The following GC variants were observed in gnomAD, a reference collection of about 807,000 sequenced individuals.
The protein encoded by GC is GC vitamin D binding protein, also known as vitamin D-binding protein.
GC carries 43 observed loss-of-function variants against 56.7 expected under a neutral mutation model. The observed-to-expected ratio is 0.76, with a 90% CI of 0.59 to 0.98. GC has a LOEUF of 0.98. Ranked by LOEUF, GC falls within the 50% of genes least tolerant of loss-of-function variation. The probability of loss-of-function intolerance (pLI) is 0.00; values close to 1 mark genes in which losing one functional copy is unlikely to be tolerated. For missense variants in GC, 529 were observed against 545.9 expected (o/e 0.97, Z 0.31); for synonymous variants, 216 against 202.7 (o/e 1.07, Z -0.56).
At chr4:71,783,014 A>C (rs1742732365) in intron 1 of GC, among the ~76,000 whole-genome samples, 1 of 151,824 alleles carries the variant, frequency 6.6e-6, no homozygotes, top group Non-Finnish European at 1.5e-5. Flanking sequence ...GGAAAAGTAA[A>C]TGTAAGAAGA....
chr4:71,792,491 A>C (rs535009817), intron 1 of GC, among the ~76,000 whole-genome samples: 3 of 152,170 alleles, frequency 2.0e-5, no homozygotes, highest in South Asian at 4.2e-4. Context: ...TCCTTTGCCC[A>C]CTTTTTGATG....
At chr4:71,753,821 C>T (rs1741631775) in intron 10 of GC, among the ~76,000 whole-genome samples, 2 of 152,180 alleles carry the variant, frequency 1.3e-5, no homozygotes, top group Non-Finnish European at 2.9e-5. Flanking sequence ...AGTTAGATAA[C>T]ATTTTTAGCA....
chr4:71,800,750 C>T (rs1282902134), intron 1 of GC, among the ~76,000 whole-genome samples: 1 of 152,122 alleles, frequency 6.6e-6, no homozygotes, highest in Non-Finnish European at 1.5e-5. Flanking sequence ...TCTGTTGTTT[C>T]TTGAATTTTT....
At chr4:71,751,436 TGTG>T (rs1741551830) in intron 11 of GC, among the ~76,000 whole-genome samples, 1 of 152,180 alleles carries the variant, frequency 6.6e-6, no homozygotes, top group Non-Finnish European at 1.5e-5. Flanking sequence ...AGGCCTCAGA[TGTG>T]GTGATTAGAT....
chr4:71,801,768 G>A (rs552324973), intron 1 of GC, among the ~76,000 whole-genome samples: 2 of 151,498 alleles, frequency 1.3e-5, no homozygotes, highest in Non-Finnish European at 1.5e-5. Flanking sequence ...AATTTAACTA[G>A]CATATTTTAT....
intron 6 of GC, among the ~76,000 whole-genome samples, chr4:71,763,035 A>T (rs916866248): frequency 6.6e-6 from 1 of 152,214 alleles, no homozygotes; most frequent in Non-Finnish European, 1.5e-5. Context: ...TTCCAAGAAA[A>T]ATTGGGCAAG....
chr4:71,787,317 C>T (rs750404432), upstream of GC, among the ~76,000 whole-genome samples: 15 of 151,854 alleles, frequency 9.9e-5, no homozygotes, highest in African/African-American at 1.7e-4. Flanking sequence ...AAATTAGGTA[C>T]GGTTGAACTA....
intron 1 of GC, among the ~76,000 whole-genome samples, chr4:71,803,060 A>G (rs1215242346): frequency 2.0e-5 from 3 of 152,206 alleles, no homozygotes; most frequent in African/African-American, 7.2e-5. Context: ...TGGTGAACTT[A>G]CAGTCTGATA....
upstream of GC, among the ~76,000 whole-genome samples, chr4:71,804,990 G>A (rs551257644): frequency 1.3e-5 from 2 of 152,082 alleles, no homozygotes; most frequent in Non-Finnish European, 2.9e-5. Context: ...CTTCTGAGTC[G>A]AGTGGGGCCA....
chr4:71,787,157 C>A (rs569023060), upstream of GC, among the ~76,000 whole-genome samples: 55 of 151,990 alleles, frequency 3.6e-4, no homozygotes, highest in African/African-American at 1.1e-3. Context: ...TCATTCTCCC[C>A]TCTGTTACTG....
chr4:71,773,438 T>TG (rs1742404285), intron 1 of GC, among the ~76,000 whole-genome samples: 1 of 152,088 alleles, frequency 6.6e-6, no homozygotes, highest in Non-Finnish European at 1.5e-5. Context: ...CATTCATACA[T>TG]GTAACAGATA....
chr4:71,783,878 C>A, intron 1 of GC, 83 bp downstream of exon 1: 1 of 1,059,872 alleles, frequency 9.4e-7, no homozygotes, highest in Non-Finnish European at 1.3e-6. Context: ...CTGTTTCTTA[C>A]TTTTTATTTC....
intron 7 of GC, 109 bp downstream of exon 7, chr4:71,757,933 A>G (rs543134250): frequency 1.3e-6 from 1 of 774,446 alleles, no homozygotes; most frequent in African/African-American, 1.7e-5. Context: ...ACATGTAAGC[A>G]TCCGTTAGGA....
At chr4:71,780,835 C>G (rs1742653182) in intron 1 of GC, among the ~76,000 whole-genome samples, 1 of 152,084 alleles carries the variant, frequency 6.6e-6, no homozygotes, top group African/African-American at 2.4e-5. Context: ...GACTATTCCT[C>G]AAGGATCTAG....
At chr4:71,742,382 C>G (rs1209324653) in intron 12 of GC, among the ~76,000 whole-genome samples, 1 of 152,124 alleles carries the variant, frequency 6.6e-6, no homozygotes, top group African/African-American at 2.4e-5. Context: ...ATAGTTATGT[C>G]ACAGTTCTAT....
chr4:71,781,675 T>A (rs1414398267), intron 1 of GC, among the ~76,000 whole-genome samples: 1 of 151,840 alleles, frequency 6.6e-6, no homozygotes, highest in East Asian at 1.9e-4. Context: ...ATTTCAGTCC[T>A]AGGGGAAGAA....
At chr4:71,755,940 CTATT>C (rs1438467226) in intron 8 of GC, among the ~76,000 whole-genome samples, 1 of 152,230 alleles carries the variant, frequency 6.6e-6, no homozygotes, top group Non-Finnish European at 1.5e-5. Flanking sequence ...CTGCTTCAAA[CTATT>C]TGTGAAATAT....
intron 8 of GC, among the ~76,000 whole-genome samples, 190 bp downstream of exon 8, chr4:71,756,522 A>G (rs558200292): frequency 6.6e-6 from 1 of 152,338 alleles, no homozygotes; most frequent in Non-Finnish European, 1.5e-5. Context: ...ACACTCGATT[A>G]TGGTGTTTTA....
At chr4:71,783,255 A>C (rs1039828048) in intron 1 of GC, among the ~76,000 whole-genome samples, 1 of 151,768 alleles carries the variant, frequency 6.6e-6, no homozygotes, top group Non-Finnish European at 1.5e-5. Context: ...AGTAAATTGA[A>C]GCTAATGATG....
Sources: gnomAD v4.1 joint callset for allele counts (sites outside exome capture counted in the v4.1 genomes callset) on GRCh38, gnomAD v4.1.1 for gene constraint, MANE v1.5 for transcripts, NCBI Gene and HGNC (gene_info 2026-07-23, HGNC 2026-07-21) for gene names.